The following CHAF1A variants were observed in gnomAD, a reference collection of about 807,000 sequenced individuals.
CHAF1A encodes the protein CAF-1 subunit A.
CHAF1A carries 5 observed loss-of-function variants against 93.2 expected under a neutral mutation model. That is an observed-to-expected ratio of 0.05 (90% CI 0.03 to 0.11). The LOEUF (loss-of-function observed/expected upper bound fraction) is 0.11. Ranked by LOEUF, CHAF1A falls within the 10% of genes least tolerant of loss-of-function variation. The probability of loss-of-function intolerance (pLI) is 1.00; values close to 1 mark genes in which losing one functional copy is unlikely to be tolerated. For synonymous variants in CHAF1A, 504 were observed against 510.3 expected (o/e 0.99, Z 0.17); for missense variants, 1,102 against 1,259.9 (o/e 0.87, Z 1.90).
chr19:4,409,390 C>T lies in CHAF1A; in HGVS notation c.591C>T (p.Gly197=), dbSNP rs188842259. The T allele has an allele frequency of 3.3e-5, 54 of 1,614,084 alleles. No homozygotes were observed. The East Asian group carries it at 8.7e-4, about 26-fold the overall frequency. The part of the protein sequence containing the change: ...GVGCGGAGRR[G]DSQECSPRSC... ...GCTGTGGAGGTGCAGGGAGGAGAGG[C>T]GACTCCCAGGAATGTTCGCCACGGA... The change falls in exon 3 of 15, where the codon GGC becomes GGT. Residue 197 remains glycine (G), a synonymous_variant. Transcript: ENST00000301280.
intron 13 of CHAF1A, among the ~76,000 whole-genome samples, chr19:4,434,541 C>G (rs921370161): frequency 4.6e-5 from 7 of 152,186 alleles, no homozygotes; most frequent in Non-Finnish European, 8.8e-5. Context: ...TCACCAACCT[C>G]TCTATCTCCG....
At position 4,433,220 on chromosome 19, in the gene CHAF1A, C is replaced by A. The variant is rs1237268042; in HGVS notation, c.2354C>A (p.Thr785Asn). 22 of 1,614,126 alleles carry A rather than the reference C, an allele frequency of 1.4e-5. No individual in the cohort carries two copies. The highest frequency in any genetic ancestry group is 1.8e-5 in the Non-Finnish European group (21 of 1,180,010). Residue 785 changes from threonine to asparagine, a missense_variant, in exon 13 of 15, where the codon ACC becomes AAC. Coordinates refer to ENST00000301280, the MANE Select transcript of CHAF1A (RefSeq NM_005483.3). The surrounding 1 kb of genome is among the most constrained non-coding windows in gnomAD (Gnocchi z 5.6). ...SPSTTYLHTP[T>N]PSEDAAIPSK... ...TCCACCACCTACCTGCACACCCCCA[C>A]CCCCAGCGAGGATGCCGCCATCCCC...
intron 14 of CHAF1A, 99 bp downstream of exon 14, chr19:4,442,440 G>A (rs981902654): frequency 2.0e-5 from 20 of 1,017,016 alleles, no homozygotes; most frequent in African/African-American, 3.2e-5. Context: ...TAGCTCCACT[G>A]TGAGCAGCCA....
downstream of CHAF1A, chr19:4,448,504 A>G (rs1320061730): frequency 1.8e-6 from 2 of 1,095,848 alleles, no homozygotes; most frequent in Non-Finnish European, 2.7e-6. Context: ...AGGAAAAGGA[A>G]GGCAGAACAG....
intron 12 of CHAF1A, 118 bp downstream of exon 12, chr19:4,432,325 AGAGGCCAGCCC>A: frequency 1.7e-6 from 2 of 1,197,528 alleles, no homozygotes; most frequent in East Asian, 2.6e-5. Flanking sequence ...CACAAATAAC[AGAGGCCAGCCC>A]TTTTCCTGTA....
chr19:4,404,698 G>A (rs577828194), intron 1 of CHAF1A, among the ~76,000 whole-genome samples: 2 of 152,236 alleles, frequency 1.3e-5, no homozygotes, highest in African/African-American at 2.4e-5. Context: ...CAAAACATAC[G>A]TAGATTAACC....
chr19:4,441,713 G>A (rs910769660), intron 13 of CHAF1A, among the ~76,000 whole-genome samples: 3 of 151,864 alleles, frequency 2.0e-5, no homozygotes, highest in African/African-American at 4.8e-5. Flanking sequence ...AAGACCATCC[G>A]GATAACACGA....
chr19:4,404,723 A>G (rs1973649198), intron 1 of CHAF1A, among the ~76,000 whole-genome samples: 2 of 152,204 alleles, frequency 1.3e-5, no homozygotes. Context: ...TAACTAAACT[A>G]GGTTTTGCCA....
chr19:4,429,446 T>A lies in CHAF1A; in HGVS notation c.1613T>A (p.Val538Asp), dbSNP rs1446272679. 1 of 1,613,716 alleles carries A rather than the reference T, an allele frequency of 6.2e-7. No individual in the cohort carries two copies. The highest frequency in any genetic ancestry group is 1.7e-5 in the Admixed American group (1 of 59,920). Residue 538 changes from valine to aspartate, a missense_variant, in exon 9 of 15, where the codon GTC (valine) becomes GAC (aspartate). Physicochemically the swap from Val to Asp is radical, Grantham distance 152 (BLOSUM62 -3). Coordinates refer to ENST00000301280, the MANE Select transcript of CHAF1A (RefSeq NM_005483.3). ...GGGGTTTTCCTTCTCAGTGATGTCG[T>A]CATCGTGGAGCGTGGGAAGGGCGAC... ...RNADIFNSDV[V>D]IVERGKGDGV... is the part of the protein sequence containing the mutation.
chr19:4,409,561 G>C lies in CHAF1A; in HGVS notation c.762G>C (p.Lys254Asn). Reference protein sequence around the residue: ...DILAVRPPQIKSLPATPQGKN... With the variant: ...DILAVRPPQINSLPATPQGKN... ...TGGCTGTGAGACCACCGCAAATCAAGTCCCTTCCAGCCACACCCCAAGGCA... is the reference window on the plus strand; with the variant it reads ...TGGCTGTGAGACCACCGCAAATCAACTCCCTTCCAGCCACACCCCAAGGCA... The change falls in exon 3 of 15, where the codon AAG (lysine) becomes AAC (asparagine). Residue 254 changes from lysine to asparagine, a missense_variant. By Grantham distance (94) the Lys-to-Asn change is moderately conservative (BLOSUM62 0). Around this residue, in one of 6 missense-constraint regions of CHAF1A, gnomAD observed 379 missense variants for 365.7 expected, o/e 1.04. Coordinates refer to ENST00000301280, the MANE Select transcript of CHAF1A (RefSeq NM_005483.3). 6.2e-7 allele frequency: 1 copy of C among 1,614,096 alleles called. No individual in the cohort carries two copies. The highest frequency in any genetic ancestry group is 8.5e-7 in the Non-Finnish European group (1 of 1,180,008).
chr19:4,436,660 C>CTG (rs1282324125), intron 13 of CHAF1A, among the ~76,000 whole-genome samples: 2 of 152,174 alleles, frequency 1.3e-5, no homozygotes. Context: ...CTGGGAACCC[C>CTG]TGTGTCCCTC....
chr19:4,440,077 A>G (rs1282525330), intron 13 of CHAF1A, among the ~76,000 whole-genome samples: 2 of 152,160 alleles, frequency 1.3e-5, no homozygotes, highest in Non-Finnish European at 2.9e-5. Context: ...AGCCCATGAA[A>G]CCAGTCTATG....
At chr19:4,423,940 A>G (rs1022158772) in intron 7 of CHAF1A, 66 bp downstream of exon 7, 1 of 1,469,104 alleles carries the variant, frequency 6.8e-7, no homozygotes, top group Middle Eastern at 1.9e-4. Flanking sequence ...CTGAAAGTGA[A>G]AGGGTCTCTC....
intron 7 of CHAF1A, among the ~76,000 whole-genome samples, chr19:4,425,697 G>C (rs1479999179): frequency 2.0e-5 from 3 of 152,188 alleles, no homozygotes; most frequent in African/African-American, 4.8e-5. Flanking sequence ...CCCTGCACAT[G>C]CTTCTCTGCA....
At chr19:4,409,798 A>G (rs1225067484) in intron 3 of CHAF1A, 39 bp downstream of exon 3, 1 of 1,557,594 alleles carries the variant, frequency 6.4e-7, no homozygotes, top group South Asian at 1.2e-5. Flanking sequence ...ATCAGTGCTC[A>G]CGGATCTCAG....
intron 8 of CHAF1A, 129 bp downstream of exon 8, chr19:4,429,019 G>A (rs963837448): frequency 5.7e-6 from 4 of 707,120 alleles, no homozygotes; most frequent in Non-Finnish European, 9.4e-6. Context: ...TCGGGCCCTG[G>A]GCTTCGGTGC....
At chr19:4,414,384 G>A (rs1973861196) in intron 3 of CHAF1A, among the ~76,000 whole-genome samples, 1 of 141,726 alleles carries the variant, frequency 7.1e-6, no homozygotes, top group South Asian at 2.3e-4. Flanking sequence ...CTGGGCAACA[G>A]CCAGACCGTC....
chr19:4,447,405 A>G, downstream of CHAF1A: 1 of 816,386 alleles, frequency 1.2e-6, no homozygotes. Flanking sequence ...GCTACCTTCT[A>G]CTGGCCGAAC....
intron 10 of CHAF1A, 39 bp from the exon 11 acceptor site, chr19:4,430,505 CTGCTT>C (rs1203702151): frequency 5.1e-6 from 7 of 1,373,866 alleles, no homozygotes; most frequent in East Asian, 4.6e-5. Context: ...GGCACACACT[CTGCTT>C]TTCTATCTGA....
Sources: gnomAD v4.1 joint callset for allele counts (sites outside exome capture counted in the v4.1 genomes callset) on GRCh38, gnomAD v4.1.1 for gene constraint, gnomAD v4.1.1 regional missense constraint, Gnocchi (gnomAD v3.1) non-coding constraint, MANE v1.5 for transcripts, NCBI Gene and HGNC (gene_info 2026-07-23, HGNC 2026-07-21) for gene names.